The following GALNT7 variants were observed in gnomAD, a reference collection of about 807,000 sequenced individuals.
The protein encoded by GALNT7 is N-acetylgalactosaminyltransferase 7.
In GALNT7, 60 loss-of-function variants were observed where a neutral mutation model predicts 82.1. That is an observed-to-expected ratio of 0.73 (90% CI 0.59 to 0.91). The LOEUF is 0.91. GALNT7 is among the 40% of genes least tolerant of loss of function. The pLI, the probability that GALNT7 is intolerant of heterozygous loss-of-function variation, is 0.00. For synonymous variants in GALNT7, 243 were observed against 275.1 expected, an observed-to-expected ratio of 0.88 and a Z score of 1.15; for missense variants, 660 against 804.2, an observed-to-expected ratio of 0.82 and a Z score of 2.17.
At chr4:173,270,939 A>G (rs1317783314) in intron 2 of GALNT7, among the ~76,000 whole-genome samples, 1 of 152,254 alleles carries the variant, frequency 6.6e-6, no homozygotes, top group African/African-American at 2.4e-5. Context: ...AGGACTATAT[A>G]TTAGATGGAA....
At chr4:173,168,990 G>A (rs1731737988) in intron 1 of GALNT7, 29 bp downstream of exon 1, 4 of 1,606,776 alleles carry the variant, frequency 2.5e-6, no homozygotes, top group Admixed American at 1.7e-5. Context: ...CCCCTCCGGC[G>A]GCAGCGACCG....
At chr4:173,202,476 G>C (rs1732971964) in intron 1 of GALNT7, among the ~76,000 whole-genome samples, 2 of 152,188 alleles carry the variant, frequency 1.3e-5, no homozygotes, top group African/African-American at 4.8e-5. Context: ...GGAGGGATCT[G>C]TCTGCCTAAC....
At chr4:173,219,764 A>AT (rs200106345) in intron 1 of GALNT7, among the ~76,000 whole-genome samples, 1,879 of 151,326 alleles carry the variant, frequency 0.012, 31 homozygotes, top group East Asian at 0.062. Context: ...GCATTTTTTC[A>AT]TTTTTTTTGG....
intron 6 of GALNT7, among the ~76,000 whole-genome samples, chr4:173,299,305 T>C (rs748215744): frequency 1.3e-5 from 2 of 152,200 alleles, no homozygotes; most frequent in Non-Finnish European, 2.9e-5. Flanking sequence ...TTTTGGTAAA[T>C]TTCTTATTCA....
chr4:173,302,071 A>C lies in GALNT7; in HGVS notation c.1173A>C (p.Leu391Phe). ...PYRSPAMAGG[L>F]FAIEREFFFE... ...GGTCCCCAGCCATGGCTGGGGGATT[A>C]TTTGCCATTGAACGAGAGTTCTTCT... The change falls in exon 7 of 12, where the codon TTA becomes TTC. Residue 391 changes from leucine to phenylalanine, a missense_variant. By Grantham distance (22) the Leu-to-Phe change is conservative (BLOSUM62 0). This residue lies in a region of GALNT7 where 527 missense variants were observed against 683.5 expected (regional missense o/e 0.77). Coordinates refer to ENST00000265000, the MANE Select transcript of GALNT7 (RefSeq NM_017423.3). The surrounding 1 kb of genome is among the most constrained non-coding windows in gnomAD (Gnocchi z 4.2). 6.3e-7 allele frequency: 1 copy of C among 1,581,386 alleles called. No individual in the cohort carries two copies. Among genetic ancestry groups the C allele is most frequent in the East Asian group, 2.2e-5 (1 of 44,684 alleles).
rs568877535 is a variant in GALNT7, at chr4:173,181,996, T to C, written c.126+13035T>C. 3.3e-5 allele frequency among the ~76,000 whole-genome samples: 5 copies of C among 152,338 alleles called. No individual in the cohort carries two copies. The South Asian group carries it at 8.3e-4, about 25-fold the overall frequency. ...TAATAGTTTCACAGTGGTAAAATCA[T>C]GTTTTGTAAGAAGCAGTTATCATCC... is the stretch of plus-strand genomic sequence containing the variant. On this transcript the variant is annotated intron_variant, in intron 1 of 11. Coordinates refer to ENST00000265000, the MANE Select transcript of GALNT7 (RefSeq NM_017423.3).
chr4:173,276,261 A>G (rs1338158306), intron 2 of GALNT7, among the ~76,000 whole-genome samples: 1 of 152,196 alleles, frequency 6.6e-6, no homozygotes, highest in African/African-American at 2.4e-5. Flanking sequence ...ATACATGAAA[A>G]TGCTGTTTTG....
chr4:173,173,622 C>G (rs1183248248), intron 1 of GALNT7, among the ~76,000 whole-genome samples: 1 of 152,114 alleles, frequency 6.6e-6, no homozygotes, highest in Non-Finnish European at 1.5e-5. Context: ...AGTGTGCAAC[C>G]CGGATCCCTT....
intron 2 of GALNT7, among the ~76,000 whole-genome samples, chr4:173,255,297 C>A (rs1433242129): frequency 6.6e-6 from 1 of 152,150 alleles, no homozygotes; most frequent in Admixed American, 6.5e-5. Flanking sequence ...GCTGCCCAGA[C>A]CTCATTTGGT....
intron 1 of GALNT7, among the ~76,000 whole-genome samples, chr4:173,223,114 T>A (rs1327565803): frequency 6.6e-6 from 1 of 152,186 alleles, no homozygotes; most frequent in Non-Finnish European, 1.5e-5. Context: ...GCAATCTTTT[T>A]AACAAAAGAT....
rs138800438 is a variant in GALNT7, at chr4:173,270,340, A to G, written c.588-21768A>G. On this transcript the variant is annotated intron_variant, in intron 2 of 11. Coordinates refer to ENST00000265000, the MANE Select transcript of GALNT7 (RefSeq NM_017423.3). ...TGAGGGATTCAGTCAAATTGCTCCT[A>G]TGAAATCTTGAGTTTTGAAGATTGA... Among the ~76,000 whole-genome samples the G allele has an allele frequency of 1.6e-3, 239 of 152,290 alleles. 5 individuals carry two copies. Among genetic ancestry groups the G allele is most frequent in the African/African-American group, 5.6e-3 (233 of 41,564 alleles).
intron 1 of GALNT7, among the ~76,000 whole-genome samples, chr4:173,174,609 C>T (rs944582247): frequency 1.3e-5 from 2 of 152,058 alleles, no homozygotes; most frequent in East Asian, 3.9e-4. Flanking sequence ...ACCTGCTTGC[C>T]CCTCCCCCAT....
chr4:173,184,743 T>TA (rs35677774), intron 1 of GALNT7, among the ~76,000 whole-genome samples: 90 of 149,378 alleles, frequency 6.0e-4, no homozygotes, highest in East Asian at 2.0e-3. Context: ...CCTGATAATG[T>TA]AAAAAAAAAA....
In GALNT7 at chr4:173,322,126, G is replaced by A. The variant is rs894577680; in HGVS notation, c.*409G>A. The A allele has an allele frequency of 3.2e-5, 5 of 155,232 alleles. No homozygotes were observed. Among genetic ancestry groups the A allele is most frequent in the African/African-American group, 1.2e-4 (5 of 41,440 alleles). 9.6% of individuals were successfully genotyped at this position (155,232 alleles called of 1,614,324 possible). A position where few individuals can be genotyped will look rare whatever the true frequency, so the allele number is the denominator to read the frequency against. On this transcript the variant is annotated 3_prime_UTR_variant, in exon 12 of 12. Coordinates refer to ENST00000265000, the MANE Select transcript of GALNT7 (RefSeq NM_017423.3). ...GTAGCCAGACTTTCATATATAACTT[G>A]GTGATTATCAACCTGTTGTGTCTTT...
At chr4:173,242,091 C>T (rs980837764) in intron 1 of GALNT7, among the ~76,000 whole-genome samples, 6 of 152,138 alleles carry the variant, frequency 3.9e-5, no homozygotes, top group African/African-American at 1.4e-4. Context: ...GTTTAATATA[C>T]AGTATTAGAG....
chr4:173,205,802 G>A (rs554235162), intron 1 of GALNT7, among the ~76,000 whole-genome samples: 1 of 151,734 alleles, frequency 6.6e-6, no homozygotes, highest in East Asian at 1.9e-4. Flanking sequence ...GTGGCATGGA[G>A]CCTATACCTG....
chr4:173,277,611 C>T (rs971052391), intron 2 of GALNT7, among the ~76,000 whole-genome samples: 1 of 152,006 alleles, frequency 6.6e-6, no homozygotes, highest in Non-Finnish European at 1.5e-5. Flanking sequence ...GAGAAGGGGA[C>T]CTCAGTAGGG....
At chr4:173,271,768 A>G (rs568528115) in intron 2 of GALNT7, among the ~76,000 whole-genome samples, 1 of 152,276 alleles carries the variant, frequency 6.6e-6, no homozygotes, top group South Asian at 2.1e-4. Flanking sequence ...CAAGTAGTAT[A>G]TTTTAAAAAT....
intron 1 of GALNT7, among the ~76,000 whole-genome samples, chr4:173,242,037 G>A (rs1003129753): frequency 2.0e-5 from 3 of 152,112 alleles, no homozygotes; most frequent in African/African-American, 4.8e-5. Flanking sequence ...ACTTTGGGAC[G>A]AACTGGTTTA....
Sources: gnomAD v4.1 joint callset for allele counts (sites outside exome capture counted in the v4.1 genomes callset) on GRCh38, gnomAD v4.1.1 for gene constraint, gnomAD v4.1.1 regional missense constraint, Gnocchi (gnomAD v3.1) non-coding constraint, MANE v1.5 for transcripts, NCBI Gene and HGNC (gene_info 2026-07-23, HGNC 2026-07-21) for gene names.